MED13: variants seen among roughly 807,000 people sequenced by gnomAD.
The protein encoded by MED13 is mediator complex subunit 13, also known as mediator of RNA polymerase II transcription subunit 13.
Under a neutral mutation model 225.2 loss-of-function variants are expected in MED13, and 23 were observed. The observed-to-expected ratio is 0.10, with a 90% CI of 0.07 to 0.14. MED13 has a LOEUF of 0.14. Ranked by LOEUF, MED13 falls within the 10% of genes least tolerant of loss-of-function variation. MED13 has a pLI of 1.00. For synonymous variants in MED13, 942 were observed against 889.2 expected (o/e 1.06, Z -1.06); for missense variants, 2,197 against 2,594.5 (o/e 0.85, Z 3.33).
intron 11 of MED13, among the ~76,000 whole-genome samples, chr17:61,987,909 ATT>A (rs531748116): frequency 6.9e-6 from 1 of 145,066 alleles, no homozygotes; most frequent in Admixed American, 6.9e-5. Context: ...TGCCCAGTTA[ATT>A]TTTTTTTTTT....
chr17:61,983,169 T>G, intron 15 of MED13, 55 bp from the exon 16 acceptor site: 4 of 1,348,478 alleles, frequency 3.0e-6, no homozygotes, highest in South Asian at 1.6e-5. Flanking sequence ...AACATATTAG[T>G]AATGTGAAAT....
At chr17:61,991,442 C>T (rs1056177803) in intron 11 of MED13, among the ~76,000 whole-genome samples, 12 of 152,008 alleles carry the variant, frequency 7.9e-5, no homozygotes, top group Admixed American at 2.0e-4. Context: ...TGGGTTCATG[C>T]GATTCTGCTG....
In MED13 at chr17:62,031,496, A is replaced by G. The variant is rs758317541; in HGVS notation, c.957T>C (p.Ala319=). ...HQVPASTRDP[A]MSSVTLTPPT... is the part of the protein sequence containing the mutation. ...GTGGTGTAAGCGTAACCGAAGACAT[A>G]GCAGGATCTCTTGTGGAAGCAGGCA... is the stretch of plus-strand genomic sequence containing the variant. The change falls in exon 6 of 30, where the codon GCT becomes GCC. Residue 319 remains alanine, a synonymous_variant. Coordinates refer to ENST00000397786, the MANE Select transcript of MED13 (RefSeq NM_005121.3). 2.9e-5 allele frequency: 47 copies of G among 1,613,766 alleles called. No homozygotes were observed. Among genetic ancestry groups the G allele is most frequent in the Non-Finnish European group, 3.8e-5 (45 of 1,179,884 alleles).
intron 2 of MED13, among the ~76,000 whole-genome samples, chr17:62,058,675 CTA>C (rs1428014389): frequency 2.0e-5 from 3 of 152,102 alleles, no homozygotes; most frequent in African/African-American, 7.2e-5. Flanking sequence ...AGAAAATCAT[CTA>C]TGTTTGGCTT....
intron 1 of MED13, 64 bp from the exon 2 acceptor site, chr17:62,063,365 A>AAGAGACATCATAT: frequency 9.8e-7 from 1 of 1,016,626 alleles, no homozygotes; most frequent in Non-Finnish European, 1.5e-6. Context: ...AGTACTCAAT[A>AAGAGACATCATAT]TGATGTCTCT....
rs549491349 is a variant in MED13, at chr17:61,942,917, A to G, written c.*3551T>C. On this transcript the variant is annotated 3_prime_UTR_variant, in exon 30 of 30. Coordinates refer to ENST00000397786, the MANE Select transcript of MED13 (RefSeq NM_005121.3). Reference sequence around the variant, plus strand: ...CGTTACAATTTGTAGCTTAAACTCAATAACTTTAAGGTCCACATATCCAGT... The same window carrying G: ...CGTTACAATTTGTAGCTTAAACTCAGTAACTTTAAGGTCCACATATCCAGT... 5.9e-5 allele frequency: 9 copies of G among 152,668 alleles called. No homozygotes were observed. Among genetic ancestry groups the G allele is most frequent in the Non-Finnish European group, 1.3e-4 (9 of 67,982 alleles). 9.5% of individuals were successfully genotyped at this position (152,668 alleles called of 1,614,324 possible). A position where few individuals can be genotyped will look rare whatever the true frequency, so the allele number is the denominator to read the frequency against.
chr17:61,985,227 ATAC>A, intron 12 of MED13, 137 bp from the exon 13 acceptor site: 1 of 621,478 alleles, frequency 1.6e-6, no homozygotes, highest in South Asian at 2.2e-5. Context: ...AGCCAAATAC[ATAC>A]TAGTGTTGAA....
chr17:62,005,096 T>A (rs2080433808), intron 9 of MED13: 1 of 152,104 alleles, frequency 6.6e-6, no homozygotes, highest in South Asian at 2.1e-4. Context: ...GGTTTCACCA[T>A]GTTGGCCAGG....
chr17:62,043,962 G>A (rs1024859078), intron 3 of MED13, among the ~76,000 whole-genome samples: 5 of 152,024 alleles, frequency 3.3e-5, no homozygotes, highest in African/African-American at 1.2e-4. Context: ...ATGACAGGAA[G>A]AGAGGAAATG....
Position 61,966,587 on chromosome 17 carries a change from C to G in MED13, c.4256G>C (p.Gly1419Ala), listed in dbSNP as rs756941886. 6.2e-7 allele frequency: 1 copy of G among 1,613,882 alleles called. No homozygotes were observed. Among genetic ancestry groups the G allele is most frequent in the Admixed American group, 1.7e-5 (1 of 59,980 alleles). The change falls in exon 19 of 30, where the codon GGA becomes GCA. Residue 1419 changes from glycine (G) to alanine (A), a missense_variant. Gly to Ala is a moderately conservative substitution (Grantham distance 60). Coordinates refer to ENST00000397786, the MANE Select transcript of MED13 (RefSeq NM_005121.3). ...TGATAGTTTCTTTGATGCAGTAGAT[C>G]CAACTCTCATGATCCCATCTGTTAA... Reference protein sequence around the residue: ...RLLTDGIMRVGSTASKKLSEK... With the variant: ...RLLTDGIMRVASTASKKLSEK...
rs185826203 is a variant in MED13, at chr17:61,954,413, T to C, written c.5968+969A>G. Among the ~76,000 whole-genome samples, 445 of 152,348 alleles carry C rather than the reference T, an allele frequency of 2.9e-3. 4 individuals are homozygous for C. The highest frequency in any genetic ancestry group is 0.01 in the African/African-American group (423 of 41,586). ...ATAAGAGATATATAAAATGAGTTCATGTACAGGTACCTCAAAAGCACAAGG... is the reference window on the plus strand; with the variant it reads ...ATAAGAGATATATAAAATGAGTTCACGTACAGGTACCTCAAAAGCACAAGG... On this transcript the variant is annotated intron_variant, in intron 26 of 29. Transcript: ENST00000397786.
intron 17 of MED13, among the ~76,000 whole-genome samples, chr17:61,971,827 G>A (rs1177045686): frequency 2.0e-5 from 3 of 151,968 alleles, no homozygotes; most frequent in South Asian, 2.1e-4. Flanking sequence ...CCAGCTGTTC[G>A]GGAGGCTAAG....
intron 26 of MED13, chr17:61,955,171 T>C: frequency 2.7e-6 from 1 of 373,358 alleles, no homozygotes; most frequent in South Asian, 7.2e-5. Context: ...CAAACCTCCT[T>C]CTGCCTCCTT....
At chr17:61,989,974 A>G (rs2080281143) in intron 11 of MED13, among the ~76,000 whole-genome samples, 1 of 152,210 alleles carries the variant, frequency 6.6e-6, no homozygotes, top group Non-Finnish European at 1.5e-5. Context: ...CAAACTGTTG[A>G]ATTTTCAAGC....
intron 15 of MED13, 146 bp from the exon 16 acceptor site, chr17:61,983,260 T>A (rs2080220527): frequency 1.5e-6 from 1 of 666,268 alleles, no homozygotes; most frequent in Non-Finnish European, 2.4e-6. Flanking sequence ...ACAAGCACAG[T>A]CAATTCTTAT....
Position 61,965,260 on chromosome 17 carries a change from A to G in MED13, c.4590T>C (p.Asn1530=). 6.2e-7 allele frequency: 1 copy of G among 1,614,182 alleles called. No individual in the cohort carries two copies. The highest frequency in any genetic ancestry group is 8.5e-7 in the Non-Finnish European group (1 of 1,179,978). ...AAGTTGAAGCTGTGGTCAAAGTTGA[A>G]TTAGCTGTGGCAACTGAAGTAGATA... The part of the protein sequence containing the change: ...VAISTSVATA[N]STLTTASTSS... The change falls in exon 20 of 30, where the codon AAT becomes AAC. Residue 1530 remains asparagine (N), a synonymous_variant. Coordinates refer to ENST00000397786, the MANE Select transcript of MED13 (RefSeq NM_005121.3).
rs751724415 is a variant in MED13 at position 61,982,619 on chromosome 17, A to G, written c.3384T>C (p.Ala1128=). The G allele has an allele frequency of 1.2e-6, 2 of 1,614,226 alleles. No individual in the cohort carries two copies. Among genetic ancestry groups the G allele is most frequent in the Non-Finnish European group, 8.5e-7 (1 of 1,180,040 alleles). ...TGTTTCCAAATTTTCTGTTCATGAC[A>G]GCACTGAAGCCACAGGTACACCTAT... ...AQYRCTCGFS[A]VMNRKFGNNS... Residue 1128 remains alanine, a synonymous_variant, in exon 16 of 30, where the codon GCT becomes GCC. Transcript: ENST00000397786.
At chr17:62,026,595 T>C (rs1334840427) in intron 8 of MED13, among the ~76,000 whole-genome samples, 1 of 150,154 alleles carries the variant, frequency 6.7e-6, no homozygotes, top group South Asian at 2.1e-4. Context: ...GCCAGAAGAA[T>C]CAGGGAGAAA....
At position 61,955,524 on chromosome 17, in the gene MED13, T is replaced by C; in HGVS notation, c.5826A>G (p.Leu1942=). ...TGSVFGRSTT[L]NMQTSQLNTP... ...TATTTAGCTGAGATGTCTGCATATT[T>C]AGAGTCGTGCTTCTTCCAAATACAG... Residue 1942 remains leucine, a synonymous_variant, in exon 26 of 30, where the codon CTA becomes CTG. Coordinates refer to ENST00000397786, the MANE Select transcript of MED13 (RefSeq NM_005121.3). The C allele has an allele frequency of 6.3e-7, 1 of 1,583,584 alleles. No individual in the cohort carries two copies. Among genetic ancestry groups the C allele is most frequent in the Non-Finnish European group, 8.5e-7 (1 of 1,169,636 alleles).
Sources: gnomAD v4.1 joint callset for allele counts (sites outside exome capture counted in the v4.1 genomes callset) on GRCh38, gnomAD v4.1.1 for gene constraint, MANE v1.5 for transcripts, NCBI Gene and HGNC (gene_info 2026-07-23, HGNC 2026-07-21) for gene names.